The following SPAG16 variants were observed in gnomAD, a reference collection of about 807,000 sequenced individuals.
SPAG16 encodes sperm-associated antigen 16 protein.
A neutral mutation model predicts 80.4 loss-of-function variants in SPAG16; 86 were observed. The ratio of observed to expected loss-of-function variants is 1.07; its 90% CI spans 0.90 to 1.28. SPAG16 has a LOEUF of 1.28. SPAG16 is among the 50% of genes most tolerant of loss of function. The pLI is 0.00. For synonymous variants in SPAG16, 294 were observed against 265.9 expected, an observed-to-expected ratio of 1.11 and a Z score of -1.03; for missense variants, 870 against 765.3, an observed-to-expected ratio of 1.14 and a Z score of -1.61.
At chr2:214,202,711 A>G (rs2058043268) in intron 15 of SPAG16, among the ~76,000 whole-genome samples, 1 of 152,192 alleles carries the variant, frequency 6.6e-6, no homozygotes, top group African/African-American at 2.4e-5. Flanking sequence ...GTTGGGTTTG[A>G]GCTAATCTGA....
At chr2:214,008,139 C>T (rs116765877) in intron 12 of SPAG16, among the ~76,000 whole-genome samples, 3,795 of 152,026 alleles carry the variant, frequency 0.025, 159 homozygotes, top group African/African-American at 0.087. Flanking sequence ...TTTTTTCCTT[C>T]AGTACCCAAT....
chr2:213,387,429 C>CTTTTTT (rs1491308938), intron 9 of SPAG16, among the ~76,000 whole-genome samples: 1,193 of 71,570 alleles, frequency 0.017, 163 homozygotes, highest in East Asian at 0.032. Flanking sequence ...GAAATGCATG[C>CTTTTTT]TCTTTTTTTT....
chr2:213,961,326 A>G lies in SPAG16; in HGVS notation c.1400+31181A>G, dbSNP rs78816446. Reference sequence around the variant, plus strand: ...TGTATATTCGAGTTTTCTACATACAAGATCATGGAATCTGCAAATAGAGAA... The same window carrying G: ...TGTATATTCGAGTTTTCTACATACAGGATCATGGAATCTGCAAATAGAGAA... On this transcript the variant is annotated intron_variant, in intron 12 of 15. Transcript: ENST00000331683. Among the ~76,000 whole-genome samples, 26 of 152,324 alleles carry G rather than the reference A, an allele frequency of 1.7e-4. No homozygotes were observed. In the East Asian group the frequency reaches 4.8e-3, roughly 28 times the overall value.
intron 14 of SPAG16, among the ~76,000 whole-genome samples, chr2:214,139,562 T>C (rs190402984): frequency 6.6e-6 from 1 of 152,268 alleles, no homozygotes; most frequent in Admixed American, 6.5e-5. Flanking sequence ...TATATTTATT[T>C]TAAATTTCGC....
At chr2:213,780,907 T>A (rs2069918128) in intron 10 of SPAG16, among the ~76,000 whole-genome samples, 1 of 152,156 alleles carries the variant, frequency 6.6e-6, no homozygotes, top group South Asian at 2.1e-4. Flanking sequence ...TTTCTAATAG[T>A]ATACATTACC....
chr2:214,265,125 C>A (rs1272207729), intron 15 of SPAG16, among the ~76,000 whole-genome samples: 2 of 152,058 alleles, frequency 1.3e-5, no homozygotes, highest in South Asian at 2.1e-4. Flanking sequence ...ACGCTTAGAA[C>A]AATATTGATG....
At chr2:214,408,093 CAAT>C (rs1268686011) in intron 15 of SPAG16, among the ~76,000 whole-genome samples, 1 of 152,068 alleles carries the variant, frequency 6.6e-6, no homozygotes, top group Non-Finnish European at 1.5e-5. Flanking sequence ...TATGAGGTTC[CAAT>C]ATCATTTTCT....
intron 15 of SPAG16, among the ~76,000 whole-genome samples, chr2:214,322,675 A>G (rs1444264649): frequency 6.6e-6 from 1 of 152,216 alleles, no homozygotes; most frequent in African/African-American, 2.4e-5. Context: ...TAATTAAATT[A>G]TGGTTCAAAA....
chr2:214,385,804 AC>A (rs1388297459), intron 15 of SPAG16, among the ~76,000 whole-genome samples: 6 of 152,140 alleles, frequency 3.9e-5, no homozygotes, highest in African/African-American at 1.2e-4. Flanking sequence ...AGATTGCACC[AC>A]TGCACTCCAG....
At position 213,674,626 on chromosome 2, in the gene SPAG16, T is replaced by C. The variant is rs1381193697; in HGVS notation, c.1070+184536T>C. Among the ~76,000 whole-genome samples the C allele has an allele frequency of 7.2e-4, 108 of 149,452 alleles. 9 individuals carry two copies. The highest frequency in any genetic ancestry group is 1.9e-3 in the African/African-American group (75 of 38,944). On this transcript the variant is annotated intron_variant, in intron 10 of 15. Transcript: ENST00000331683. ...TTCAATTCCCACCTATGAGTGAGAA[T>C]ATGCAGTGTTTGGTTTTTTGTCCTT...
intron 10 of SPAG16, among the ~76,000 whole-genome samples, chr2:213,801,342 C>T (rs1448768051): frequency 2.0e-5 from 3 of 152,168 alleles, no homozygotes; most frequent in Non-Finnish European, 4.4e-5. Context: ...CTTGGCAATA[C>T]AAATCTGAAA....
At position 213,860,525 on chromosome 2, in the gene SPAG16, G is replaced by A. The variant is rs1033739194; in HGVS notation, c.1071-1960G>A. Among the ~76,000 whole-genome samples, 5 of 134,380 alleles carry A rather than the reference G, an allele frequency of 3.7e-5. No individual in the cohort carries two copies. In the East Asian group the frequency reaches 6.8e-4, roughly 18 times the overall value. The allele number at this position is 134,380 out of a possible 152,430, so 88.2% of individuals were successfully genotyped here. ...TGTGTACATGTATGTATCTATGCCAGTGTTAGAAAAGGAATATATGGACAA... is the reference window on the plus strand; with the variant it reads ...TGTGTACATGTATGTATCTATGCCAATGTTAGAAAAGGAATATATGGACAA... On this transcript the variant is annotated intron_variant, in intron 10 of 15. Transcript: ENST00000331683.
At chr2:213,351,371 G>T (rs2065317972) in intron 7 of SPAG16, among the ~76,000 whole-genome samples, 1 of 152,030 alleles carries the variant, frequency 6.6e-6, no homozygotes, top group Non-Finnish European at 1.5e-5. Context: ...ATTTAAGATT[G>T]CTGTGAAACT....
chr2:213,750,056 G>A (rs2068011972), intron 10 of SPAG16, among the ~76,000 whole-genome samples: 1 of 152,200 alleles, frequency 6.6e-6, no homozygotes, highest in African/African-American at 2.4e-5. Flanking sequence ...AGTAAGCCAA[G>A]TGGAGTACTT....
At chr2:213,973,473 A>C (rs1393923454) in intron 12 of SPAG16, among the ~76,000 whole-genome samples, 3 of 151,714 alleles carry the variant, frequency 2.0e-5, no homozygotes, top group African/African-American at 7.3e-5. Flanking sequence ...AGAAACAATT[A>C]TTTTTCAATA....
At chr2:213,471,188 T>G (rs2073057654) in intron 9 of SPAG16, among the ~76,000 whole-genome samples, 2 of 152,168 alleles carry the variant, frequency 1.3e-5, no homozygotes, top group Admixed American at 6.5e-5. Context: ...TAATCTTCTC[T>G]TCCTCTTTCA....
intron 10 of SPAG16, among the ~76,000 whole-genome samples, chr2:213,618,501 C>T (rs2061670395): frequency 6.6e-6 from 1 of 152,148 alleles, no homozygotes; most frequent in Non-Finnish European, 1.5e-5. Context: ...AATAAGATTG[C>T]CATTTATTTA....
intron 10 of SPAG16, among the ~76,000 whole-genome samples, chr2:213,702,955 C>A (rs977427138): frequency 4.6e-5 from 7 of 152,166 alleles, no homozygotes; most frequent in Admixed American, 4.6e-4. Context: ...ACGCGCTCTA[C>A]CCTTCTATGT....
chr2:214,084,915 C>CT (rs1416547141), intron 13 of SPAG16, among the ~76,000 whole-genome samples: 23 of 152,226 alleles, frequency 1.5e-4, no homozygotes, highest in Non-Finnish European at 3.1e-4. Flanking sequence ...AAGAAGAAGA[C>CT]TGACAAGTAA....
Sources: gnomAD v4.1 joint callset for allele counts (sites outside exome capture counted in the v4.1 genomes callset) on GRCh38, gnomAD v4.1.1 for gene constraint, MANE v1.5 for transcripts, NCBI Gene and HGNC (gene_info 2026-07-23, HGNC 2026-07-21) for gene names.